The following TSHZ2 variants were observed in gnomAD, a reference collection of about 807,000 sequenced individuals.
The protein encoded by TSHZ2 is teashirt homolog 2.
TSHZ2 carries 21 observed loss-of-function variants against 74.4 expected under a neutral mutation model. The ratio of observed to expected loss-of-function variants is 0.28; its 90% CI spans 0.20 to 0.41. The LOEUF (loss-of-function observed/expected upper bound fraction) is 0.41, where lower values mean the gene tolerates loss of function less well. Ranked by LOEUF, TSHZ2 falls within the 10% of genes least tolerant of loss-of-function variation. TSHZ2 has a pLI of 1.00. For synonymous variants in TSHZ2, 540 were observed against 515.3 expected (o/e 1.05, Z -0.65); for missense variants, 1,244 against 1,293.5 (o/e 0.96, Z 0.59).
chr20:53,114,355 G>T (rs1198720486), intron 1 of TSHZ2, among the ~76,000 whole-genome samples: 9 of 152,104 alleles, frequency 5.9e-5, no homozygotes, highest in Non-Finnish European at 1.2e-4. Context: ...CTAACTAGCT[G>T]CTGAATCTTG....
chr20:53,290,429 C>T (rs1415958557), intron 2 of TSHZ2, among the ~76,000 whole-genome samples: 1 of 151,756 alleles, frequency 6.6e-6, no homozygotes, highest in Non-Finnish European at 1.5e-5. Flanking sequence ...ATTGAGCAAA[C>T]ATTTATACAA....
intron 1 of TSHZ2, among the ~76,000 whole-genome samples, chr20:53,142,403 G>C (rs1987425074): frequency 6.6e-6 from 1 of 152,208 alleles, no homozygotes; most frequent in Non-Finnish European, 1.5e-5. Flanking sequence ...GGCTAATTAA[G>C]TCTCATTGGT....
chr20:53,101,437 T>C (rs1210732528), intron 1 of TSHZ2, among the ~76,000 whole-genome samples: 1 of 152,206 alleles, frequency 6.6e-6, no homozygotes, highest in Non-Finnish European at 1.5e-5. Context: ...TAGCAACTTT[T>C]AATATCCCAC....
At chr20:53,037,356 G>A (rs1983860508) in intron 1 of TSHZ2, among the ~76,000 whole-genome samples, 1 of 152,140 alleles carries the variant, frequency 6.6e-6, no homozygotes, top group South Asian at 2.1e-4. Context: ...CAGAAATCCT[G>A]GTTAGTATTT....
intron 1 of TSHZ2, among the ~76,000 whole-genome samples, chr20:53,125,060 A>G (rs1682113860): frequency 6.6e-6 from 1 of 152,176 alleles, no homozygotes; most frequent in Non-Finnish European, 1.5e-5. Context: ...TTCAAGCTAT[A>G]TTGCTTTGGC....
intron 1 of TSHZ2, among the ~76,000 whole-genome samples, chr20:53,015,753 T>C (rs1380251612): frequency 6.6e-6 from 1 of 152,128 alleles, no homozygotes; most frequent in African/African-American, 2.4e-5. Flanking sequence ...TCTAGTGAAA[T>C]GATGCCGTTA....
chr20:53,438,142 C>T (rs1984164992), intron 2 of TSHZ2, among the ~76,000 whole-genome samples: 1 of 147,446 alleles, frequency 6.8e-6, no homozygotes. Flanking sequence ...CAGAGTCTCA[C>T]TCTGTCACCC....
At chr20:53,322,475 C>T (rs1006433119) in intron 2 of TSHZ2, among the ~76,000 whole-genome samples, 2 of 150,888 alleles carry the variant, frequency 1.3e-5, no homozygotes, top group Non-Finnish European at 2.9e-5. Flanking sequence ...ATGGCACCAC[C>T]ACATTCCAGC....
intron 1 of TSHZ2, among the ~76,000 whole-genome samples, chr20:53,106,459 C>T (rs1295454352): frequency 2.6e-5 from 3 of 117,336 alleles, no homozygotes; most frequent in African/African-American, 3.3e-5. Context: ...AGCTGGAGTG[C>T]AGTGGCACGA....
chr20:53,251,963 C>A (rs180804214), intron 1 of TSHZ2, among the ~76,000 whole-genome samples: 1 of 152,222 alleles, frequency 6.6e-6, no homozygotes, highest in Admixed American at 6.5e-5. Context: ...CACTCTGCAA[C>A]GCTAGCTGTG....
chr20:53,135,179 C>T (rs1007736985), intron 1 of TSHZ2, among the ~76,000 whole-genome samples: 1 of 152,034 alleles, frequency 6.6e-6, no homozygotes. Flanking sequence ...TGACTTTCTC[C>T]TGTGGTATAC....
chr20:53,410,698 C>T (rs1305150395), intron 2 of TSHZ2, among the ~76,000 whole-genome samples: 13 of 142,922 alleles, frequency 9.1e-5, no homozygotes, highest in Middle Eastern at 3.5e-3. Context: ...TTTTTTGGCA[C>T]GGAGTCTCGC....
intron 1 of TSHZ2, among the ~76,000 whole-genome samples, chr20:53,234,420 G>A (rs1458450677): frequency 6.6e-6 from 1 of 152,114 alleles, no homozygotes; most frequent in Non-Finnish European, 1.5e-5. Flanking sequence ...CAAAGATACC[G>A]GTTCTTACAA....
At chr20:53,189,259 G>C (rs1256911918) in intron 1 of TSHZ2, among the ~76,000 whole-genome samples, 1 of 152,148 alleles carries the variant, frequency 6.6e-6, no homozygotes, top group Non-Finnish European at 1.5e-5. Flanking sequence ...ACCAGAATAT[G>C]CAAATAGCTG....
chr20:53,200,726 G>A (rs139410373), intron 1 of TSHZ2, among the ~76,000 whole-genome samples: 300 of 152,202 alleles, frequency 2.0e-3, no homozygotes, highest in African/African-American at 7.0e-3. Flanking sequence ...AGTTGGTACC[G>A]ACCATGGCCC....
At chr20:52,986,415 A>G (rs2426454) in intron 1 of TSHZ2, among the ~76,000 whole-genome samples, 45,015 of 139,626 alleles carry the variant, frequency 0.32, 8,334 homozygotes, top group Non-Finnish European at 0.42. Flanking sequence ...AAAAAAAAAA[A>G]AAAGAAAGAA....
intron 1 of TSHZ2, among the ~76,000 whole-genome samples, chr20:53,212,446 AACAC>A (rs1989334804): frequency 6.6e-6 from 1 of 152,182 alleles, no homozygotes; most frequent in Non-Finnish European, 1.5e-5. Flanking sequence ...TCTTTACGGG[AACAC>A]AGGGCAGTTT....
At chr20:53,396,441 C>T (rs1982448890) in intron 2 of TSHZ2, among the ~76,000 whole-genome samples, 1 of 152,130 alleles carries the variant, frequency 6.6e-6, no homozygotes. Context: ...TGTCCAAGGT[C>T]ACACCATCAA....
At chr20:53,460,095 C>T (rs1244410474) in intron 2 of TSHZ2, among the ~76,000 whole-genome samples, 4 of 151,944 alleles carry the variant, frequency 2.6e-5, no homozygotes, top group Admixed American at 6.6e-5. Flanking sequence ...TGAAGCTGAA[C>T]GTTGGCCTGC....
Sources: gnomAD v4.1 joint callset for allele counts (sites outside exome capture counted in the v4.1 genomes callset) on GRCh38, gnomAD v4.1.1 for gene constraint, MANE v1.5 for transcripts, NCBI Gene and HGNC (gene_info 2026-07-23, HGNC 2026-07-21) for gene names.